Variants in ATP7A observed in about 807,000 individuals in gnomAD.
ATP7A encodes the protein ATPase copper transporting alpha.
Under a neutral mutation model 83.5 loss-of-function variants are expected in ATP7A, and 7 were observed. That is an observed-to-expected ratio of 0.08 (90% CI 0.05 to 0.16). The LOEUF (loss-of-function observed/expected upper bound fraction) is 0.16. Among genes scored for constraint, ATP7A ranks in the 10% least tolerant of loss-of-function variants. The probability of loss-of-function intolerance (pLI) is 1.00; values close to 1 mark genes in which losing one functional copy is unlikely to be tolerated. For synonymous variants in ATP7A, 354 were observed against 395.2 expected (o/e 0.90, Z 1.24); for missense variants, 940 against 1,120.8 (o/e 0.84, Z 2.30).
In ATP7A at chrX:78,040,582, C is replaced by G. The variant is rs1557238242; in HGVS notation, c.3659-9C>G. ...CAAGTTCTTTTATTTTGTGCTGCCC[C>G]TATATTAGATGAGCTGTGTGGCTTG... On this transcript the variant is annotated splice_polypyrimidine_tract_variant and intron_variant, in intron 18 of 22. Transcript: ENST00000341514. 1 of 1,209,661 alleles carries G rather than the reference C, an allele frequency of 8.3e-7. No individual in the cohort carries two copies. Among genetic ancestry groups the G allele is most frequent in the South Asian group, 1.8e-5 (1 of 56,944 alleles).
chrX:77,932,996 T>C (rs2077298321), intron 1 of ATP7A, among the ~76,000 whole-genome samples: 1 of 111,533 alleles, frequency 9.0e-6, no homozygotes, highest in Admixed American at 9.5e-5. Context: ...CATTGAACTC[T>C]TACTGTTCAT....
intron 5 of ATP7A, among the ~76,000 whole-genome samples, chrX:78,001,131 G>A (rs1367191960): frequency 9.0e-6 from 1 of 111,381 alleles, no homozygotes; most frequent in African/African-American, 3.3e-5. Context: ...TTCAGCTGAA[G>A]CAAAAAGATT....
At chrX:77,928,148 G>C (rs964697492) in intron 1 of ATP7A, among the ~76,000 whole-genome samples, 1 of 109,873 alleles carries the variant, frequency 9.1e-6, no homozygotes, top group Non-Finnish European at 1.9e-5. Context: ...TTTTTGTAGG[G>C]ACAGGGTCTT....
In ATP7A at chrX:77,988,720, A is replaced by G. The variant is rs2077652890; in HGVS notation, c.599A>G (p.Gln200Arg). Reference sequence around the variant, plus strand: ...AAAATTGGGAAACTGCAAGGTGTTCAGCGAATTAAAGGTAATGTGTCTGGT... The same window carrying G: ...AAAATTGGGAAACTGCAAGGTGTTCGGCGAATTAAAGGTAATGTGTCTGGT... ...EGKIGKLQGV[Q>R]RIKVSLDNQE... Residue 200 changes from glutamine (Q) to arginine (R), a missense_variant, in exon 3 of 23, where the codon CAG becomes CGG. Physicochemically the swap from Gln to Arg is conservative, Grantham distance 43 (BLOSUM62 1). Around this residue, in one of 3 missense-constraint regions of ATP7A, gnomAD observed 350 missense variants for 432.8 expected, o/e 0.81. Coordinates refer to ENST00000341514, the MANE Select transcript of ATP7A (RefSeq NM_000052.7). The G allele has an allele frequency of 8.3e-7, 1 of 1,211,064 alleles. No individual in the cohort carries two copies. Among genetic ancestry groups the G allele is most frequent in the African/African-American group, 1.7e-5 (1 of 57,809 alleles).
At chrX:77,930,128 T>C (rs2077263606) in intron 1 of ATP7A, among the ~76,000 whole-genome samples, 1 of 112,013 alleles carries the variant, frequency 8.9e-6, no homozygotes, top group African/African-American at 3.2e-5. Flanking sequence ...TTACCCATGA[T>C]AGGCTCAGAA....
intron 1 of ATP7A, among the ~76,000 whole-genome samples, chrX:77,913,242 A>G (rs1557222123): frequency 4.5e-5 from 5 of 111,910 alleles, no homozygotes. Context: ...GCAAGGAGAG[A>G]TTTTTGTCTG....
At chrX:77,948,096 T>C (rs868983366) in intron 1 of ATP7A, among the ~76,000 whole-genome samples, 13 of 96,468 alleles carry the variant, frequency 1.3e-4, no homozygotes, top group African/African-American at 5.2e-4. Flanking sequence ...TTTATTTATT[T>C]ATTTATTCAT....
chrX:78,037,980 G>GTTTTTTTTGTTT (rs2078023956), intron 17 of ATP7A, among the ~76,000 whole-genome samples: 2 of 51,220 alleles, frequency 3.9e-5, no homozygotes, highest in Non-Finnish European at 6.4e-5. Context: ...ATCAAGAAAG[G>GTTTTTTTTGTTT]TTTTTTTTTT....
rs1156427861 is a variant in ATP7A at position 78,042,116 on chromosome X, C to CAAAA, written c.3802-452_3802-449dup. On this transcript the variant is annotated intron_variant, in intron 19 of 22. Transcript: ENST00000341514. ...TGGGTGACAGAGCAAGACTCTGTCT[C>CAAAA]AAAAAAAAAAAAAAAAAAAAGTTAC... Among the ~76,000 whole-genome samples, 81 of 51,887 alleles carry CAAAA rather than the reference C, an allele frequency of 1.6e-3. 1 individual carries two copies. Among genetic ancestry groups the CAAAA allele is most frequent in the East Asian group, 3.7e-3 (6 of 1,614 alleles). 45.1% of individuals were successfully genotyped at this position (51,887 alleles called of 115,157 possible).
chrX:78,033,519 G>T, intron 16 of ATP7A, 86 bp from the exon 17 acceptor site: 2 of 923,426 alleles, frequency 2.2e-6, no homozygotes, highest in South Asian at 2.1e-5. Flanking sequence ...TAAACATTTA[G>T]AATTAACTAG....
intron 1 of ATP7A, among the ~76,000 whole-genome samples, chrX:77,913,560 G>A (rs1387352930): frequency 8.9e-6 from 1 of 111,946 alleles, no homozygotes; most frequent in Non-Finnish European, 1.9e-5. Flanking sequence ...AACTTGCTGA[G>A]ATAGTTTGGC....
chrX:78,040,807 A>G, intron 19 of ATP7A, 74 bp downstream of exon 19: 1 of 1,099,374 alleles, frequency 9.1e-7, no homozygotes, highest in South Asian at 1.8e-5. Context: ...ATGCTAAGAA[A>G]TTTACATTAC....
chrX:78,016,481 C>T (rs1477291474), intron 12 of ATP7A, among the ~76,000 whole-genome samples: 2 of 111,012 alleles, frequency 1.8e-5, no homozygotes, highest in African/African-American at 3.3e-5. Context: ...CAACAGTCCC[C>T]CAAAGTCTTA....
chrX:77,932,466 G>C (rs781991142), intron 1 of ATP7A, among the ~76,000 whole-genome samples: 1 of 110,768 alleles, frequency 9.0e-6, no homozygotes. Flanking sequence ...GACGATGGGC[G>C]GCCGGGCAGA....
chrX:77,951,921 G>A (rs187150164), intron 1 of ATP7A, among the ~76,000 whole-genome samples: 1 of 111,558 alleles, frequency 9.0e-6, no homozygotes, highest in African/African-American at 3.3e-5. Flanking sequence ...GTAATTTTAG[G>A]TCCACAGCAA....
intron 4 of ATP7A, among the ~76,000 whole-genome samples, chrX:77,992,068 C>CT (rs782066539): frequency 2.7e-3 from 269 of 99,586 alleles, no homozygotes; most frequent in East Asian, 0.019. Context: ...AAATTAGATT[C>CT]TTTTTTTTTT....
chrX:77,978,089 A>G (rs1457336065), intron 2 of ATP7A, among the ~76,000 whole-genome samples: 1 of 111,194 alleles, frequency 9.0e-6, no homozygotes, highest in Non-Finnish European at 1.9e-5. Context: ...AATTTGAAAA[A>G]TTAAAAAAAA....
In ATP7A at chrX:77,955,805, C is replaced by G. The variant is rs141105512; in HGVS notation, c.-21-15816C>G. On this transcript the variant is annotated intron_variant, in intron 1 of 22. Transcript: ENST00000341514. Reference sequence around the variant, plus strand: ...ACCAGACTCTTTCCATCCTTCCCTCCCCAGTCTCTGGTAACCACTGTTCTA... The same window carrying G: ...ACCAGACTCTTTCCATCCTTCCCTCGCCAGTCTCTGGTAACCACTGTTCTA... Among the ~76,000 whole-genome samples, 95 of 110,341 alleles carry G rather than the reference C, an allele frequency of 8.6e-4. 3 individuals are homozygous for G. The East Asian group carries it at 0.025, about 29-fold the overall frequency.
At chrX:77,979,042 G>A (rs1167296575) in intron 2 of ATP7A, among the ~76,000 whole-genome samples, 1 of 110,589 alleles carries the variant, frequency 9.0e-6, no homozygotes, top group Non-Finnish European at 1.9e-5. Flanking sequence ...ATGTTGGCCA[G>A]GCTAGTTTCA....
Sources: gnomAD v4.1 joint callset for allele counts (sites outside exome capture counted in the v4.1 genomes callset) on GRCh38, gnomAD v4.1.1 for gene constraint, gnomAD v4.1.1 regional missense constraint, MANE v1.5 for transcripts, NCBI Gene and HGNC (gene_info 2026-07-23, HGNC 2026-07-21) for gene names.